The following CLVS1 variants were observed in gnomAD, a reference collection of about 807,000 sequenced individuals.
CLVS1 encodes clavesin-1.
Under a neutral mutation model 33.1 loss-of-function variants are expected in CLVS1, and 10 were observed. The ratio of observed to expected loss-of-function variants is 0.30; its 90% CI spans 0.19 to 0.51. The LOEUF is 0.51. Among genes scored for constraint, CLVS1 ranks in the 20% least tolerant of loss-of-function variants. The probability of loss-of-function intolerance (pLI) is 0.97; values close to 1 mark genes in which losing one functional copy is unlikely to be tolerated. For synonymous variants in CLVS1, 163 were observed against 166.1 expected (o/e 0.98, Z 0.14); for missense variants, 343 against 433.4 (o/e 0.79, Z 1.85).
At chr8:61,166,083 G>A (rs545326485) in intron 2 of CLVS1, among the ~76,000 whole-genome samples, 4 of 135,144 alleles carry the variant, frequency 3.0e-5, no homozygotes, top group East Asian at 2.0e-4. Flanking sequence ...AAAGGGCTGC[G>A]TCTTTTCTCC....
chr8:60,981,681 G>A, the CLVS1 span, among the ~76,000 whole-genome samples: 1 of 152,220 alleles, frequency 6.6e-6, no homozygotes, highest in Non-Finnish European at 1.5e-5. Flanking sequence ...TTCATAATTG[G>A]AGGAGATGCT....
chr8:61,291,825 A>G (rs1297924170), intron 1 of CLVS1, among the ~76,000 whole-genome samples: 5 of 152,170 alleles, frequency 3.3e-5, no homozygotes, highest in Non-Finnish European at 5.9e-5. Context: ...GGTAAAGAAC[A>G]CATTGTGGGT....
intron 5 of CLVS1, chr8:61,464,887 T>C (rs1817493737): frequency 6.6e-6 from 1 of 152,278 alleles, no homozygotes; most frequent in South Asian, 2.1e-4. Context: ...GGCACCTCAC[T>C]GATGAGGAAC....
intron 2 of CLVS1, among the ~76,000 whole-genome samples, chr8:61,311,452 T>C (rs372771655): frequency 2.6e-5 from 4 of 152,146 alleles, no homozygotes; most frequent in African/African-American, 9.7e-5. Context: ...TACAAACTTG[T>C]CTGTTAGAAG....
At chr8:61,410,795 C>A (rs977127146) in intron 3 of CLVS1, among the ~76,000 whole-genome samples, 1 of 152,154 alleles carries the variant, frequency 6.6e-6, no homozygotes, top group Non-Finnish European at 1.5e-5. Context: ...GCGTGAACCA[C>A]CACAACCAGC....
At chr8:61,230,932 G>C (rs1808418015) in intron 2 of CLVS1, among the ~76,000 whole-genome samples, 1 of 152,016 alleles carries the variant, frequency 6.6e-6, no homozygotes, top group African/African-American at 2.4e-5. Context: ...GGGCTCTCTG[G>C]GGTGTACTTT....
At chr8:60,996,469 A>C in the CLVS1 span, among the ~76,000 whole-genome samples, 1 of 152,260 alleles carries the variant, frequency 6.6e-6, no homozygotes, top group Non-Finnish European at 1.5e-5. Context: ...GAATGAAGAC[A>C]GTGGGAGAAG....
At chr8:61,332,923 C>T (rs983725307) in intron 2 of CLVS1, among the ~76,000 whole-genome samples, 9 of 152,222 alleles carry the variant, frequency 5.9e-5, no homozygotes, top group African/African-American at 2.2e-4. Flanking sequence ...GCTTGAGCCA[C>T]CGTGCCTGAC....
At chr8:61,045,396 G>T in the CLVS1 span, among the ~76,000 whole-genome samples, 1 of 152,130 alleles carries the variant, frequency 6.6e-6, no homozygotes, top group African/African-American at 2.4e-5. Context: ...CATCTCTTTG[G>T]ACTGAAGACA....
intron 3 of CLVS1, among the ~76,000 whole-genome samples, chr8:61,453,535 C>G (rs1158006972): frequency 6.6e-6 from 1 of 152,188 alleles, no homozygotes; most frequent in African/African-American, 2.4e-5. Flanking sequence ...CTAGGATCTA[C>G]TATGTGCCCC....
At chr8:61,410,521 C>T (rs1815179247) in intron 3 of CLVS1, among the ~76,000 whole-genome samples, 1 of 152,196 alleles carries the variant, frequency 6.6e-6, no homozygotes, top group African/African-American at 2.4e-5. Context: ...TGTGCAATTT[C>T]TTGGGTCAGA....
chr8:61,292,072 C>T, intron 1 of CLVS1: 1 of 275,792 alleles, frequency 3.6e-6, no homozygotes, highest in Non-Finnish European at 7.3e-6. Flanking sequence ...TCTGCTGCCA[C>T]TGCTGATGCA....
chr8:61,166,138 T>G (rs542325206), intron 2 of CLVS1, among the ~76,000 whole-genome samples: 2 of 137,122 alleles, frequency 1.5e-5, no homozygotes, highest in Non-Finnish European at 1.6e-5. Flanking sequence ...TTTTATTTTT[T>G]TTTTTTTGAG....
chr8:61,294,712 A>T (rs1393814831), intron 1 of CLVS1, among the ~76,000 whole-genome samples: 2 of 151,200 alleles, frequency 1.3e-5, no homozygotes, highest in Non-Finnish European at 1.5e-5. Context: ...GACATTGCTG[A>T]TATAATTCTG....
chr8:61,180,789 C>T (rs1019133116), intron 2 of CLVS1, among the ~76,000 whole-genome samples: 6 of 152,130 alleles, frequency 3.9e-5, no homozygotes, highest in South Asian at 2.1e-4. Context: ...AATTCAACAT[C>T]GCTTCATATT....
intron 3 of CLVS1, among the ~76,000 whole-genome samples, chr8:61,386,069 G>A (rs774992921): frequency 5.3e-5 from 8 of 152,162 alleles, no homozygotes; most frequent in Non-Finnish European, 1.0e-4. Flanking sequence ...GATAGGCTTG[G>A]GAAAATTGCT....
intron 2 of CLVS1, among the ~76,000 whole-genome samples, chr8:61,153,856 C>G (rs988537594): frequency 6.6e-6 from 1 of 152,184 alleles, no homozygotes; most frequent in African/African-American, 2.4e-5. Flanking sequence ...CCTGGCAGGC[C>G]TGAAACTGGT....
intron 3 of CLVS1, among the ~76,000 whole-genome samples, chr8:61,441,668 G>A (rs370934242): frequency 3.3e-5 from 5 of 152,256 alleles, no homozygotes; most frequent in South Asian, 2.1e-4. Flanking sequence ...CAACGGCCAC[G>A]GGTGACATCT....
chr8:61,059,297 A>G (rs1043941185), intron 1 of CLVS1, among the ~76,000 whole-genome samples: 1 of 151,736 alleles, frequency 6.6e-6, no homozygotes, highest in Non-Finnish European at 1.5e-5. Context: ...AATGATGCTG[A>G]GTATCTTTTC....
Sources: allele counts gnomAD v4.1 joint callset (sites outside exome capture counted in the v4.1 genomes callset), GRCh38; gene constraint gnomAD v4.1.1; transcripts MANE v1.5; gene names NCBI Gene and HGNC (gene_info 2026-07-23, HGNC 2026-07-21).